LCLAT1: variants seen among roughly 807,000 people sequenced by gnomAD.
The protein encoded by LCLAT1 is lysocardiolipin acyltransferase 1, also known as 1-AGP acyltransferase 8.
A neutral mutation model predicts 30.7 loss-of-function variants in LCLAT1; 11 were observed. The ratio of observed to expected loss-of-function variants is 0.36; its 90% CI spans 0.23 to 0.59. LCLAT1 has a LOEUF of 0.59. Ranked by LOEUF, LCLAT1 falls within the 20% of genes least tolerant of loss-of-function variation. The pLI, the probability that LCLAT1 is intolerant of heterozygous loss-of-function variation, is 0.77. For missense variants in LCLAT1, 402 were observed against 458.6 expected (o/e 0.88, Z 1.13); for synonymous variants, 155 against 151.3 (o/e 1.02, Z -0.18).
At position 30,641,371 on chromosome 2, in the gene LCLAT1, G is replaced by T. The variant is rs929181486; in HGVS notation, c.*752G>T. The T allele has an allele frequency of 3.3e-5, 5 of 152,286 alleles. No individual in the cohort carries two copies. Among genetic ancestry groups the T allele is most frequent in the African/African-American group, 9.6e-5 (4 of 41,558 alleles). The allele number at this position is 152,286 out of a possible 1,614,324, so 9.4% of individuals were successfully genotyped here. ...TCACACTCAGTATTGCATGCTTAGT[G>T]CTGGTTTTCTTACAACATTTTGGCA... On this transcript the variant is annotated 3_prime_UTR_variant, in exon 6 of 6. Coordinates refer to ENST00000379509, the MANE Select transcript of LCLAT1 (RefSeq NM_001002257.3).
chr2:30,459,803 A>G (rs768078739), intron 1 of LCLAT1: 5 of 934,046 alleles, frequency 5.4e-6, no homozygotes, highest in Non-Finnish European at 8.7e-6. Flanking sequence ...TGAATTGATC[A>G]TAGTTTGTTC....
At position 30,562,130 on chromosome 2, in the gene LCLAT1, G is replaced by T. The variant is rs1665255579; in HGVS notation, c.365-16G>T. 1 of 1,574,460 alleles carries T rather than the reference G, an allele frequency of 6.4e-7. No homozygotes were observed. Among genetic ancestry groups the T allele is most frequent in the African/African-American group, 1.3e-5 (1 of 74,198 alleles). ...AATAAAATTATAGGTAAATTTTATT[G>T]TTAAATTGATTCTAGGTTGGGCCAT... On this transcript the variant is annotated splice_polypyrimidine_tract_variant and intron_variant, in intron 3 of 5. Coordinates refer to ENST00000379509, the MANE Select transcript of LCLAT1 (RefSeq NM_001002257.3).
intron 1 of LCLAT1, among the ~76,000 whole-genome samples, chr2:30,463,768 G>A (rs1166335562): frequency 6.6e-6 from 1 of 152,116 alleles, no homozygotes; most frequent in Non-Finnish European, 1.5e-5. Flanking sequence ...TCCTCAAGAG[G>A]CCCTGGAACA....
intron 5 of LCLAT1, among the ~76,000 whole-genome samples, chr2:30,600,201 A>AG (rs1373538424): frequency 6.6e-6 from 1 of 152,152 alleles, no homozygotes; most frequent in African/African-American, 2.4e-5. Flanking sequence ...AGAAAAGAAA[A>AG]AGAAAGAAAC....
At chr2:30,501,455 C>A (rs1167735309) in intron 1 of LCLAT1, among the ~76,000 whole-genome samples, 2 of 151,914 alleles carry the variant, frequency 1.3e-5, no homozygotes, top group Non-Finnish European at 2.9e-5. Flanking sequence ...TTTTAAAGAT[C>A]TGATTGTAGG....
At chr2:30,478,691 G>A (rs1024828306) in intron 1 of LCLAT1, among the ~76,000 whole-genome samples, 14 of 144,410 alleles carry the variant, frequency 9.7e-5, no homozygotes, top group African/African-American at 4.1e-4. Context: ...AGATAGATAG[G>A]TAGGTAGGTA....
At chr2:30,456,985 A>G (rs996862418) in intron 1 of LCLAT1, among the ~76,000 whole-genome samples, 12 of 152,206 alleles carry the variant, frequency 7.9e-5, no homozygotes, top group African/African-American at 2.9e-4. Context: ...GAAGGAAGCT[A>G]GTTTTGGGTT....
At chr2:30,475,193 C>G (rs1304862877) in intron 1 of LCLAT1, among the ~76,000 whole-genome samples, 2 of 151,228 alleles carry the variant, frequency 1.3e-5, no homozygotes, top group African/African-American at 2.4e-5. Context: ...GAGGCAGAGT[C>G]TCACTGTGTT....
At chr2:30,459,797 T>G (rs1305030636) in intron 1 of LCLAT1, 1 of 960,158 alleles carries the variant, frequency 1.0e-6, no homozygotes. Flanking sequence ...GCTTTTTGAA[T>G]TGATCATAGT....
intron 5 of LCLAT1, among the ~76,000 whole-genome samples, chr2:30,604,809 T>G (rs1317307713): frequency 2.6e-5 from 4 of 152,234 alleles, no homozygotes; most frequent in Non-Finnish European, 5.9e-5. Context: ...AGCATCATAC[T>G]GTTTGTTTTT....
At chr2:30,605,774 A>G (rs1667408280) in intron 5 of LCLAT1, among the ~76,000 whole-genome samples, 1 of 152,158 alleles carries the variant, frequency 6.6e-6, no homozygotes, top group Admixed American at 6.6e-5. Context: ...CAAATCTTTT[A>G]TGTCAGTGGT....
intron 1 of LCLAT1, among the ~76,000 whole-genome samples, chr2:30,521,391 A>G (rs1474158438): frequency 1.3e-5 from 2 of 148,784 alleles, no homozygotes; most frequent in East Asian, 2.1e-4. Context: ...CTTGGGCGAG[A>G]TCCAAGAACT....
At chr2:30,501,811 A>G (rs1339499247) in intron 1 of LCLAT1, among the ~76,000 whole-genome samples, 1 of 152,242 alleles carries the variant, frequency 6.6e-6, no homozygotes, top group Admixed American at 6.5e-5. Flanking sequence ...CAATAATTCT[A>G]TATTAGAAAA....
At chr2:30,607,403 GCAACA>G (rs1667501979) in intron 5 of LCLAT1, 1 of 152,056 alleles carries the variant, frequency 6.6e-6, no homozygotes, top group East Asian at 1.9e-4. Flanking sequence ...ATACAGTCAT[GCAACA>G]CATAATGACG....
intron 3 of LCLAT1, among the ~76,000 whole-genome samples, chr2:30,539,686 C>T (rs998898706): frequency 3.9e-5 from 6 of 152,052 alleles, no homozygotes; most frequent in Non-Finnish European, 4.4e-5. Flanking sequence ...AATCATGGTC[C>T]ATCTTAAATT....
At chr2:30,456,643 G>C (rs1364777347) in intron 1 of LCLAT1, among the ~76,000 whole-genome samples, 1 of 152,114 alleles carries the variant, frequency 6.6e-6, no homozygotes, top group African/African-American at 2.4e-5. Context: ...AGGAGAGCAG[G>C]GGTTTGTTTT....
intron 1 of LCLAT1, among the ~76,000 whole-genome samples, chr2:30,510,285 A>G (rs1415085564): frequency 6.6e-6 from 1 of 152,156 alleles, no homozygotes; most frequent in East Asian, 1.9e-4. Context: ...AAAAGATTGT[A>G]TGGGAAGTCA....
intron 5 of LCLAT1, among the ~76,000 whole-genome samples, chr2:30,577,678 A>G (rs1257157939): frequency 6.6e-6 from 1 of 152,150 alleles, no homozygotes; most frequent in Non-Finnish European, 1.5e-5. Context: ...ATTATAATAC[A>G]CTAACAGACA....
Position 30,568,112 on chromosome 2 carries a change from A to T in LCLAT1, c.564A>T (p.Lys188Asn), listed in dbSNP as rs1302255199. Residue 188 changes from lysine (K) to asparagine (N), a missense_variant, in exon 5 of 6, where the codon AAA (lysine) becomes AAT (asparagine). Lys to Asn is a moderately conservative substitution (Grantham distance 94). Coordinates refer to ENST00000379509, the MANE Select transcript of LCLAT1 (RefSeq NM_001002257.3). ...TTGCTGAAAAAAATGGACTTCAGAA[A>T]TATGAATATGTTTTACATCCAAGAA... ...NAFAEKNGLQ[K>N]YEYVLHPRTT... 6.2e-7 allele frequency: 1 copy of T among 1,610,216 alleles called. No individual in the cohort carries two copies.
Sources: gnomAD v4.1 joint callset for allele counts (sites outside exome capture counted in the v4.1 genomes callset) on GRCh38, gnomAD v4.1.1 for gene constraint, MANE v1.5 for transcripts, NCBI Gene and HGNC (gene_info 2026-07-23, HGNC 2026-07-21) for gene names.